Variants in RHBDL3 observed in about 807,000 individuals in gnomAD.
RHBDL3 encodes rhomboid-related protein 3.
RHBDL3 carries 28 observed loss-of-function variants against 48.2 expected under a neutral mutation model. The ratio of observed to expected loss-of-function variants is 0.58; its 90% CI spans 0.43 to 0.80. The LOEUF is 0.80. Among genes scored for constraint, RHBDL3 ranks in the 30% least tolerant of loss-of-function variants. The pLI is 0.00. For missense variants in RHBDL3, 464 were observed against 542.7 expected, an observed-to-expected ratio of 0.85 and a Z score of 1.44; for synonymous variants, 208 against 232.3, an observed-to-expected ratio of 0.90 and a Z score of 0.95.
At chr17:32,285,947 G>A (rs948862878) in intron 3 of RHBDL3, among the ~76,000 whole-genome samples, 23 of 152,318 alleles carry the variant, frequency 1.5e-4, no homozygotes, top group African/African-American at 5.3e-4. Context: ...AAGGGTTGGC[G>A]TGATTGCAAG....
intron 2 of RHBDL3, among the ~76,000 whole-genome samples, chr17:32,272,607 A>G (rs1171826716): frequency 6.6e-6 from 1 of 151,754 alleles, no homozygotes; most frequent in East Asian, 1.9e-4. Flanking sequence ...GAGGCTGTGG[A>G]CTCCTCTTCA....
At chr17:32,288,692 G>A (rs1230308638) in intron 3 of RHBDL3, 100 bp from the exon 4 acceptor site, 9 of 765,140 alleles carry the variant, frequency 1.2e-5, no homozygotes, top group East Asian at 8.1e-5. Flanking sequence ...AGGGAAATGC[G>A]GGGTCAGGCC....
intron 3 of RHBDL3, among the ~76,000 whole-genome samples, chr17:32,286,324 G>A (rs1464091049): frequency 2.6e-5 from 4 of 152,194 alleles, no homozygotes; most frequent in Admixed American, 2.6e-4. Context: ...TTACTGCTGG[G>A]ATTTCTGAGA....
chr17:32,302,546 TA>T (rs767327028), intron 6 of RHBDL3, among the ~76,000 whole-genome samples: 1,715 of 104,814 alleles, frequency 0.016, 14 homozygotes, highest in Middle Eastern at 0.025. Flanking sequence ...TATATATATA[TA>T]TATATTTTTT....
chr17:32,281,333 T>C (rs9916581), intron 2 of RHBDL3, among the ~76,000 whole-genome samples: 86,318 of 151,506 alleles, frequency 0.57, 27,704 homozygotes, highest in African/African-American at 0.88. Flanking sequence ...GCACCCCCAC[T>C]GCACCCCCAC....
At chr17:32,289,145 T>C in intron 4 of RHBDL3, 129 bp downstream of exon 4, 1 of 719,238 alleles carries the variant, frequency 1.4e-6, no homozygotes, top group Non-Finnish European at 2.4e-6. Context: ...GGGCAATGGT[T>C]GAGGATCAAA....
intron 2 of RHBDL3, among the ~76,000 whole-genome samples, chr17:32,283,435 T>C (rs958451640): frequency 6.7e-6 from 1 of 148,762 alleles, no homozygotes; most frequent in Non-Finnish European, 1.5e-5. Flanking sequence ...CATACTCTCC[T>C]GCCTCAGCCT....
chr17:32,313,209 A>G (rs2040885864), intron 7 of RHBDL3, among the ~76,000 whole-genome samples: 1 of 152,142 alleles, frequency 6.6e-6, no homozygotes, highest in Admixed American at 6.5e-5. Context: ...TAAAAAATTT[A>G]GCCAGGTGTG....
chr17:32,295,102 T>C (rs914105059), intron 5 of RHBDL3, among the ~76,000 whole-genome samples: 4 of 152,208 alleles, frequency 2.6e-5, no homozygotes, highest in Non-Finnish European at 1.5e-5. Context: ...CTCTGTGGTG[T>C]CTTCTCTTCT....
chr17:32,305,460 C>A lies in RHBDL3; in HGVS notation c.882+19C>A. The A allele has an allele frequency of 6.6e-7, 1 of 1,518,120 alleles. No individual in the cohort carries two copies. The highest frequency in any genetic ancestry group is 9.2e-7 in the Non-Finnish European group (1 of 1,092,378). 94.0% of individuals were successfully genotyped at this position (1,518,120 alleles called of 1,614,324 possible). A position where few individuals can be genotyped will look rare whatever the true frequency, so the allele number is the denominator to read the frequency against. On this transcript the variant is annotated intron_variant, in intron 7 of 8. Coordinates refer to ENST00000269051, the MANE Select transcript of RHBDL3 (RefSeq NM_138328.3). ...TGTCATGGTGAGCACCTCCCGTTCT[C>A]AATGTGTCTTTCTGGCCCTGTCCTC... is the stretch of plus-strand genomic sequence containing the variant.
intron 4 of RHBDL3, among the ~76,000 whole-genome samples, chr17:32,289,970 G>C (rs544180689): frequency 1.3e-5 from 2 of 152,344 alleles, no homozygotes; most frequent in South Asian, 4.1e-4. Context: ...CTTCATCCAA[G>C]TACATGTTGA....
rs1430700936 is a variant in RHBDL3 at position 32,298,131 on chromosome 17, G to A, written c.708G>A (p.Leu236=). 1.9e-6 allele frequency: 3 copies of A among 1,613,968 alleles called. No individual in the cohort carries two copies. Among genetic ancestry groups the A allele is most frequent in the Non-Finnish European group, 2.5e-6 (3 of 1,179,932 alleles). ...GACTCAATGTGGTGCTGCAGCTGCTGGTGGGGGTGCCCCTGGAGATGGTGC... is the reference window on the plus strand; with the variant it reads ...GACTCAATGTGGTGCTGCAGCTGCTAGTGGGGGTGCCCCTGGAGATGGTGC... ...HLGLNVVLQL[L]VGVPLEMVHG... Residue 236 remains leucine (L), a synonymous_variant, in exon 6 of 9, where the codon CTG becomes CTA. Transcript: ENST00000269051.
At chr17:32,270,063 C>T (rs1015958796) in intron 2 of RHBDL3, among the ~76,000 whole-genome samples, 3 of 147,316 alleles carry the variant, frequency 2.0e-5, no homozygotes, top group Admixed American at 6.9e-5. Context: ...CAGTGGCTAA[C>T]GCCGGTAATC....
intron 2 of RHBDL3, among the ~76,000 whole-genome samples, chr17:32,269,732 T>G (rs2039726419): frequency 6.6e-6 from 1 of 152,242 alleles, no homozygotes; most frequent in Admixed American, 6.5e-5. Context: ...AATCAGAACC[T>G]AGAACAAAGT....
rs550596742 is a variant in RHBDL3 at position 32,284,252 on chromosome 17, T to A, written c.136-407T>A. On this transcript the variant is annotated intron_variant, in intron 2 of 8. Transcript: ENST00000269051. ...CCTCTGGCATCCCCCCTGGGGTCCC[T>A]CTGGCCCAGTCCCCTTTCCCTTTGC... 1.4e-3 allele frequency: 230 copies of A among 160,652 alleles called. 1 individual carries two copies. Among genetic ancestry groups the A allele is most frequent in the African/African-American group, 5.2e-3 (219 of 41,742 alleles). The allele number at this position is 160,652 out of a possible 1,614,324, so 10.0% of individuals were successfully genotyped here. A position where few individuals can be genotyped will look rare whatever the true frequency, so the allele number is the denominator to read the frequency against.
chr17:32,271,895 C>T (rs887276379), intron 2 of RHBDL3, among the ~76,000 whole-genome samples: 16 of 152,170 alleles, frequency 1.1e-4, no homozygotes, highest in Admixed American at 9.2e-4. Flanking sequence ...TAAACATAAA[C>T]ATGTGCTACG....
At position 32,284,696 on chromosome 17, in the gene RHBDL3, A is replaced by G; in HGVS notation, c.173A>G (p.Lys58Arg). 1 of 1,614,160 alleles carries G rather than the reference A, an allele frequency of 6.2e-7. No homozygotes were observed. The highest frequency in any genetic ancestry group is 8.5e-7 in the Non-Finnish European group (1 of 1,180,018). Residue 58 changes from lysine (K) to arginine (R), a missense_variant, in exon 3 of 9, where the codon AAG becomes AGG. Coordinates refer to ENST00000269051, the MANE Select transcript of RHBDL3 (RefSeq NM_138328.3). ...PGNTGYISTG[K>R]FRSLLESHSS... ...AACACAGGCTACATTAGCACAGGCA[A>G]GTTCCGGAGTCTTCTGGAGAGCCAC...
At chr17:32,267,654 T>TGG in intron 1 of RHBDL3, 1 of 632,234 alleles carries the variant, frequency 1.6e-6, no homozygotes, top group Non-Finnish European at 2.4e-6. Context: ...ACACCCACCT[T>TGG]GCCGCCCCCG....
chr17:32,287,209 G>A (rs923272802), intron 3 of RHBDL3, among the ~76,000 whole-genome samples: 3 of 152,180 alleles, frequency 2.0e-5, no homozygotes, highest in Non-Finnish European at 4.4e-5. Flanking sequence ...GCAGGTGGAT[G>A]GTGAGTGTGT....
Sources: gnomAD v4.1 joint callset for allele counts (sites outside exome capture counted in the v4.1 genomes callset) on GRCh38, gnomAD v4.1.1 for gene constraint, MANE v1.5 for transcripts, NCBI Gene and HGNC (gene_info 2026-07-23, HGNC 2026-07-21) for gene names.